The following C11orf87 variants were observed in gnomAD, a reference collection of about 807,000 sequenced individuals.
The protein encoded by C11orf87 is uncharacterized protein C11orf87.
Under a neutral mutation model 9.2 loss-of-function variants are expected in C11orf87, and 3 were observed. The observed-to-expected ratio is 0.33, with a 90% CI of 0.15 to 0.84. C11orf87 has a LOEUF of 0.84. C11orf87 is among the 40% of genes least tolerant of loss of function. C11orf87 has a pLI of 0.55. For missense variants in C11orf87, 256 were observed against 270.7 expected (o/e 0.95, Z 0.38); for synonymous variants, 124 against 124.6 (o/e 1.00, Z 0.03).
chr11:109,423,888 C>T lies in C11orf87; in HGVS notation c.255C>T (p.His85=), dbSNP rs1351539122. ...IVLSLSTFHI[H]KRRMKKRKMQ... is the part of the protein sequence containing the mutation. ...TGTCCCTCTCCACTTTCCACATCCA[C>T]AAGCGTAGGATGAAGAAGCGGAAGA... is the stretch of plus-strand genomic sequence containing the variant. Residue 85 remains histidine, a synonymous_variant, in exon 2 of 2, where the codon CAC becomes CAT. Transcript: ENST00000327419. The surrounding 1 kb of genome is among the most constrained non-coding windows in gnomAD (Gnocchi z 5.3). The T allele has an allele frequency of 2.5e-6, 4 of 1,614,026 alleles. No individual in the cohort carries two copies. The highest frequency in any genetic ancestry group is 2.7e-5 in the African/African-American group (2 of 74,946).
At position 109,425,807 on chromosome 11, in the gene C11orf87, G is replaced by A. The variant is rs1860565499; in HGVS notation, c.*1580G>A. ...TGGGGATGAGACTGGTGGGGATGTT[G>A]GGCAATTTGGATGATAAGACATGCG... On this transcript the variant is annotated 3_prime_UTR_variant, in exon 2 of 2. Transcript: ENST00000327419. 6.6e-6 allele frequency: 1 copy of A among 152,330 alleles called. No homozygotes were observed. Among genetic ancestry groups the A allele is most frequent in the African/African-American group, 2.4e-5 (1 of 41,418 alleles). 9.4% of individuals were successfully genotyped at this position (152,330 alleles called of 1,614,324 possible).
At position 109,422,722 on chromosome 11, in the gene C11orf87, C is replaced by CTTTTTTT. The variant is rs772868114; in HGVS notation, c.-260+479_-260+485dup. On this transcript the variant is annotated intron_variant, in intron 1 of 1. Transcript: ENST00000327419. ...TCAGCTGAGAAAGATGCTTCAGCTG[C>CTTTTTTT]TTTTTTTTTTTTTTTTTTTTTTTTT... Among the ~76,000 whole-genome samples, 11 of 71,424 alleles carry CTTTTTTT rather than the reference C, an allele frequency of 1.5e-4. 2 individuals are homozygous for CTTTTTTT. Among genetic ancestry groups the CTTTTTTT allele is most frequent in the African/African-American group, 6.2e-4 (9 of 14,488 alleles). 46.9% of individuals were successfully genotyped at this position (71,424 alleles called of 152,430 possible). A position where few individuals can be genotyped will look rare whatever the true frequency, so the allele number is the denominator to read the frequency against.
intron 1 of C11orf87, among the ~76,000 whole-genome samples, chr11:109,422,984 G>A (rs1860514255): frequency 6.6e-6 from 1 of 151,856 alleles, no homozygotes; most frequent in Admixed American, 6.6e-5. Flanking sequence ...TGCTGGGAAG[G>A]GTAGGATCCA....
Position 109,424,244 on chromosome 11 carries a change from G to A in C11orf87, c.*17G>A, listed in dbSNP as rs769260958. The A allele has an allele frequency of 1.1e-5, 18 of 1,586,002 alleles. No homozygotes were observed. The East Asian group carries it at 2.3e-4, about 20-fold the overall frequency. On this transcript the variant is annotated 3_prime_UTR_variant, in exon 2 of 2. Transcript: ENST00000327419. The surrounding 1 kb of genome is among the most constrained non-coding windows in gnomAD (Gnocchi z 4.7). The stretch of plus-strand genomic sequence containing the variant: ...CTGTCCTGATCGTCTAGCCCCTCTC[G>A]TTCCCCGTCCTCGTTTCCAGCATCT...
Position 109,427,662 on chromosome 11 carries a change from G to C in C11orf87, c.*3435G>C, listed in dbSNP as rs1008247425. 6.6e-6 allele frequency: 1 copy of C among 152,064 alleles called. No individual in the cohort carries two copies. The allele number at this position is 152,064 out of a possible 1,614,324, so 9.4% of individuals were successfully genotyped here. Reference sequence around the variant, plus strand: ...TAGCTACAGCTTAACTTCTGCACTTGCTATTCAGTATTAATAAGGTGGCAT... The same window carrying C: ...TAGCTACAGCTTAACTTCTGCACTTCCTATTCAGTATTAATAAGGTGGCAT... On this transcript the variant is annotated 3_prime_UTR_variant, in exon 2 of 2. Coordinates refer to ENST00000327419, the MANE Select transcript of C11orf87 (RefSeq NM_207645.4).
rs1860543212 is a variant in C11orf87 at position 109,424,414 on chromosome 11, G to A, written c.*187G>A. 4 of 541,198 alleles carry A rather than the reference G, an allele frequency of 7.4e-6. No individual in the cohort carries two copies. The highest frequency in any genetic ancestry group is 3.7e-5 in the Admixed American group (1 of 26,992). 33.5% of individuals were successfully genotyped at this position (541,198 alleles called of 1,614,324 possible). A position where few individuals can be genotyped will look rare whatever the true frequency, so the allele number is the denominator to read the frequency against. On this transcript the variant is annotated 3_prime_UTR_variant, in exon 2 of 2. Coordinates refer to ENST00000327419, the MANE Select transcript of C11orf87 (RefSeq NM_207645.4). The surrounding 1 kb of genome is among the most constrained non-coding windows in gnomAD (Gnocchi z 4.7). ...TGTGCGGTATTTGTAAATATTGGGC[G>A]AGGAAAGTCTCGGAAGAAGAAATAA...
At position 109,427,365 on chromosome 11, in the gene C11orf87, T is replaced by G. The variant is rs961672601; in HGVS notation, c.*3138T>G. On this transcript the variant is annotated 3_prime_UTR_variant, in exon 2 of 2. Transcript: ENST00000327419. ...CTTCCAGTGGTATTACTTGTGATTTTTTTATGAGATAGAGAATTACATGAA... is the reference window on the plus strand; with the variant it reads ...CTTCCAGTGGTATTACTTGTGATTTGTTTATGAGATAGAGAATTACATGAA... The G allele has an allele frequency of 6.6e-6, 1 of 152,162 alleles. No homozygotes were observed. Among genetic ancestry groups the G allele is most frequent in the Non-Finnish European group, 1.5e-5 (1 of 67,994 alleles). 9.4% of individuals were successfully genotyped at this position (152,162 alleles called of 1,614,324 possible).
Position 109,423,561 on chromosome 11 carries a change from C to A in C11orf87, c.-73C>A. 2 of 1,451,166 alleles carry A rather than the reference C, an allele frequency of 1.4e-6. No individual in the cohort carries two copies. Among genetic ancestry groups the A allele is most frequent in the Non-Finnish European group, 1.8e-6 (2 of 1,093,372 alleles). The allele number at this position is 1,451,166 out of a possible 1,614,324, so 89.9% of individuals were successfully genotyped here. On this transcript the variant is annotated 5_prime_UTR_variant, in exon 2 of 2. Coordinates refer to ENST00000327419, the MANE Select transcript of C11orf87 (RefSeq NM_207645.4). This position sits in a 1 kb window ranked among gnomAD's most constrained non-coding sequence, Gnocchi z 5.3. ...TTTTGGGTGGCGTGGGCTCCGTCCTCTTCTTGGCTGGTAGGAACGGTGTGC... is the reference window on the plus strand; with the variant it reads ...TTTTGGGTGGCGTGGGCTCCGTCCTATTCTTGGCTGGTAGGAACGGTGTGC...
chr11:109,422,857 T>C (rs999614257), intron 1 of C11orf87, among the ~76,000 whole-genome samples: 3 of 147,584 alleles, frequency 2.0e-5, no homozygotes, highest in Non-Finnish European at 4.5e-5. Flanking sequence ...GCCAGGGGTA[T>C]CCCCCTGGGA....
Position 109,423,807 on chromosome 11 carries a change from C to T in C11orf87, c.174C>T (p.Phe58=), listed in dbSNP as rs777617627. 3 of 1,614,030 alleles carry T rather than the reference C, an allele frequency of 1.9e-6. No homozygotes were observed. Among genetic ancestry groups the T allele is most frequent in the Non-Finnish European group, 2.5e-6 (3 of 1,179,984 alleles). The change falls in exon 2 of 2, where the codon TTC becomes TTT. Residue 58 remains phenylalanine, a synonymous_variant. Coordinates refer to ENST00000327419, the MANE Select transcript of C11orf87 (RefSeq NM_207645.4). This position sits in a 1 kb window ranked among gnomAD's most constrained non-coding sequence, Gnocchi z 5.3. ...TQVGQQLFQS[F]SSTLVLIVLV... The stretch of plus-strand genomic sequence containing the variant: ...TGGGACAGCAGCTCTTCCAGTCCTT[C>T]TCCTCCACGCTGGTGCTGATTGTCC...
rs1860603086 is a variant in C11orf87, at chr11:109,428,615, T to C, written c.*4388T>C. On this transcript the variant is annotated 3_prime_UTR_variant, in exon 2 of 2. Coordinates refer to ENST00000327419, the MANE Select transcript of C11orf87 (RefSeq NM_207645.4). ...ATTTGAATCTGAAAGGCCTACTTATTTGGGCCATTTTTTGTTGGAACTTGT... is the reference window on the plus strand; with the variant it reads ...ATTTGAATCTGAAAGGCCTACTTATCTGGGCCATTTTTTGTTGGAACTTGT... 1 of 152,300 alleles carries C rather than the reference T, an allele frequency of 6.6e-6. No homozygotes were observed. The allele number at this position is 152,300 out of a possible 1,614,324, so 9.4% of individuals were successfully genotyped here. A position where few individuals can be genotyped will look rare whatever the true frequency, so the allele number is the denominator to read the frequency against.
At position 109,428,043 on chromosome 11, in the gene C11orf87, T is replaced by C. The variant is rs1013358104; in HGVS notation, c.*3816T>C. 6.6e-6 allele frequency: 1 copy of C among 152,038 alleles called. No homozygotes were observed. Among genetic ancestry groups the C allele is most frequent in the African/African-American group, 2.4e-5 (1 of 41,422 alleles). The allele number at this position is 152,038 out of a possible 1,614,324, so 9.4% of individuals were successfully genotyped here. A position where few individuals can be genotyped will look rare whatever the true frequency, so the allele number is the denominator to read the frequency against. On this transcript the variant is annotated 3_prime_UTR_variant, in exon 2 of 2. Transcript: ENST00000327419. ...GGAGAGTCCTGGTTAGCTTGGAAAA[T>C]TGGTAATTAGATAAGCTTCCTTTCC...
rs1860545679 is a variant in C11orf87 at position 109,424,580 on chromosome 11, A to G, written c.*353A>G. The G allele has an allele frequency of 5.9e-6, 1 of 169,296 alleles. No homozygotes were observed. The highest frequency in any genetic ancestry group is 6.5e-5 in the Admixed American group (1 of 15,334). The allele number at this position is 169,296 out of a possible 1,614,324, so 10.5% of individuals were successfully genotyped here. A position where few individuals can be genotyped will look rare whatever the true frequency, so the allele number is the denominator to read the frequency against. ...ATTCCACCCCGCGCTCCCCTCAATT[A>G]GGAGGAGAAACCGCACAAGCTACCA... On this transcript the variant is annotated 3_prime_UTR_variant, in exon 2 of 2. Coordinates refer to ENST00000327419, the MANE Select transcript of C11orf87 (RefSeq NM_207645.4). The surrounding 1 kb of genome is among the most constrained non-coding windows in gnomAD (Gnocchi z 4.7).
rs1365869051 is a variant in C11orf87, at chr11:109,427,597, T to C, written c.*3370T>C. On this transcript the variant is annotated 3_prime_UTR_variant, in exon 2 of 2. Transcript: ENST00000327419. ...AGCTAAATTTATTTTAAGGATTTTA[T>C]TCACTGATGTCCCGTCAAACTAAAT... 1 of 152,164 alleles carries C rather than the reference T, an allele frequency of 6.6e-6. No homozygotes were observed. Among genetic ancestry groups the C allele is most frequent in the East Asian group, 1.9e-4 (1 of 5,198 alleles). The allele number at this position is 152,164 out of a possible 1,614,324, so 9.4% of individuals were successfully genotyped here. A position where few individuals can be genotyped will look rare whatever the true frequency, so the allele number is the denominator to read the frequency against.
chr11:109,424,004 C>T lies in C11orf87; in HGVS notation c.371C>T (p.Thr124Ile). ...CCCCGACCTGGCAGGCAGGCCCCAA[C>T]CCACGCAAAGGAAACCCGGCTGGAG... is the stretch of plus-strand genomic sequence containing the variant. ...GLPRPGRQAP[T>I]HAKETRLERQ... The change falls in exon 2 of 2, where the codon ACC (threonine) becomes ATC (isoleucine). Residue 124 changes from threonine to isoleucine, a missense_variant. Transcript: ENST00000327419. This position sits in a 1 kb window ranked among gnomAD's most constrained non-coding sequence, Gnocchi z 4.7. 1 of 1,613,988 alleles carries T rather than the reference C, an allele frequency of 6.2e-7. No individual in the cohort carries two copies. The highest frequency in any genetic ancestry group is 8.5e-7 in the Non-Finnish European group (1 of 1,179,956).
In C11orf87 at chr11:109,423,340, G is replaced by A. The variant is rs1008849118; in HGVS notation, c.-259-35G>A. 8.2e-6 allele frequency: 4 copies of A among 490,016 alleles called. No individual in the cohort carries two copies. Among genetic ancestry groups the A allele is most frequent in the African/African-American group, 6.0e-5 (3 of 50,150 alleles). The allele number at this position is 490,016 out of a possible 1,614,324, so 30.4% of individuals were successfully genotyped here. A position where few individuals can be genotyped will look rare whatever the true frequency, so the allele number is the denominator to read the frequency against. On this transcript the variant is annotated intron_variant, in intron 1 of 1. Coordinates refer to ENST00000327419, the MANE Select transcript of C11orf87 (RefSeq NM_207645.4). This position sits in a 1 kb window ranked among gnomAD's most constrained non-coding sequence, Gnocchi z 5.3. ...TCCCGACAGCACTCCCCTGGGCAGC[G>A]GCCGAGATTCTAACTAAGCTTTGTG...
At position 109,424,315 on chromosome 11, in the gene C11orf87, T is replaced by G; in HGVS notation, c.*88T>G. The G allele has an allele frequency of 1.9e-6, 2 of 1,072,722 alleles. No homozygotes were observed. The highest frequency in any genetic ancestry group is 2.7e-6 in the Non-Finnish European group (2 of 730,364). The allele number at this position is 1,072,722 out of a possible 1,614,324, so 66.5% of individuals were successfully genotyped here. On this transcript the variant is annotated 3_prime_UTR_variant, in exon 2 of 2. Transcript: ENST00000327419. This position sits in a 1 kb window ranked among gnomAD's most constrained non-coding sequence, Gnocchi z 4.7. ...CTTCTTCCTTCCTTTTCCATTTTCC[T>G]CTGGCCCCTCTTTCCTCTTCCTGGT... is the stretch of plus-strand genomic sequence containing the variant.
rs1860519330 is a variant in C11orf87, at chr11:109,423,262, G to A, written c.-259-113G>A. The A allele has an allele frequency of 3.6e-6, 1 of 281,148 alleles. No homozygotes were observed. The highest frequency in any genetic ancestry group is 5.2e-5 in the Admixed American group (1 of 19,178). 17.4% of individuals were successfully genotyped at this position (281,148 alleles called of 1,614,324 possible). A position where few individuals can be genotyped will look rare whatever the true frequency, so the allele number is the denominator to read the frequency against. Reference sequence around the variant, plus strand: ...TCCGCTGACCGAAAATACAGGCAGCGCCCAGCTCAGGCAGTGTGCCCAGAG... The same window carrying A: ...TCCGCTGACCGAAAATACAGGCAGCACCCAGCTCAGGCAGTGTGCCCAGAG... On this transcript the variant is annotated intron_variant, in intron 1 of 1. Coordinates refer to ENST00000327419, the MANE Select transcript of C11orf87 (RefSeq NM_207645.4). This position sits in a 1 kb window ranked among gnomAD's most constrained non-coding sequence, Gnocchi z 5.3.
In C11orf87 at chr11:109,423,164, AC is replaced by A. The variant is rs1410463262; in HGVS notation, c.-259-207del. ...CTGCACCTCCGCGGTGCCGGCGCAGACCCCATCCTGTCGAGTGGCATGAGCA... is the reference window on the plus strand; with the variant it reads ...CTGCACCTCCGCGGTGCCGGCGCAGACCCATCCTGTCGAGTGGCATGAGCA... On this transcript the variant is annotated intron_variant, in intron 1 of 1. Coordinates refer to ENST00000327419, the MANE Select transcript of C11orf87 (RefSeq NM_207645.4). The surrounding 1 kb of genome is among the most constrained non-coding windows in gnomAD (Gnocchi z 5.3). 1.3e-5 allele frequency among the ~76,000 whole-genome samples: 2 copies of A among 152,028 alleles called. No individual in the cohort carries two copies. The highest frequency in any genetic ancestry group is 2.9e-5 in the Non-Finnish European group (2 of 67,994).
Sources: gnomAD v4.1 joint callset for allele counts (sites outside exome capture counted in the v4.1 genomes callset) on GRCh38, gnomAD v4.1.1 for gene constraint, Gnocchi (gnomAD v3.1) non-coding constraint, MANE v1.5 for transcripts, NCBI Gene and HGNC (gene_info 2026-07-23, HGNC 2026-07-21) for gene names.